The following HDLBP variants were observed in gnomAD, a reference collection of about 807,000 sequenced individuals.
The protein encoded by HDLBP is high density lipoprotein binding protein, also known as vigilin.
Under a neutral mutation model 137.3 loss-of-function variants are expected in HDLBP, and 30 were observed. That is an observed-to-expected ratio of 0.22 (90% CI 0.16 to 0.30). HDLBP has a LOEUF of 0.30. Among genes scored for constraint, HDLBP ranks in the 10% least tolerant of loss-of-function variants. The pLI is 1.00. For missense variants in HDLBP, 1,119 were observed against 1,667.3 expected (o/e 0.67, Z 5.73); for synonymous variants, 606 against 596.0 (o/e 1.02, Z -0.24).
chr2:241,238,830 A>G lies in HDLBP; in HGVS notation c.2611-43T>C. 1.4e-6 allele frequency: 2 copies of G among 1,476,080 alleles called. No homozygotes were observed. Among genetic ancestry groups the G allele is most frequent in the Non-Finnish European group, 1.8e-6 (2 of 1,101,734 alleles). 91.4% of individuals were successfully genotyped at this position (1,476,080 alleles called of 1,614,324 possible). On this transcript the variant is annotated intron_variant, in intron 19 of 27. Transcript: ENST00000310931. This position sits in a 1 kb window ranked among gnomAD's most constrained non-coding sequence, Gnocchi z 4.9. Reference sequence around the variant, plus strand: ...AAGAAAAAAGAAAAGAGCAAAGATTAAATTCCTTAGGGCAAGTTTTACAGC... The same window carrying G: ...AAGAAAAAAGAAAAGAGCAAAGATTGAATTCCTTAGGGCAAGTTTTACAGC...
chr2:241,315,107 G>A (rs1016443053), intron 1 of HDLBP: 1 of 151,982 alleles, frequency 6.6e-6, no homozygotes, highest in Non-Finnish European at 1.5e-5. Context: ...CTCACCTCGG[G>A]CCCCACACCA....
Position 241,272,946 on chromosome 2 carries a change from C to A in HDLBP, c.-102-4405G>T. The A allele has an allele frequency of 1.1e-6, 1 of 888,396 alleles. No homozygotes were observed. The highest frequency in any genetic ancestry group is 1.3e-6 in the Non-Finnish European group (1 of 740,908). The allele number at this position is 888,396 out of a possible 1,614,324, so 55.0% of individuals were successfully genotyped here. A position where few individuals can be genotyped will look rare whatever the true frequency, so the allele number is the denominator to read the frequency against. Reference sequence around the variant, plus strand: ...GTCCCCGCCGCCCCGGGCCGCCCAGCACCCGGGAGGCCCACCCAACTGCAG... The same window carrying A: ...GTCCCCGCCGCCCCGGGCCGCCCAGAACCCGGGAGGCCCACCCAACTGCAG... On this transcript the variant is annotated intron_variant, in intron 1 of 27. Coordinates refer to ENST00000310931, the MANE Select transcript of HDLBP (RefSeq NM_005336.6). This position sits in a 1 kb window ranked among gnomAD's most constrained non-coding sequence, Gnocchi z 5.6.
intron 27 of HDLBP, 49 bp downstream of exon 27, chr2:241,229,784 G>GGCCCCCCCCC: frequency 6.7e-7 from 1 of 1,502,550 alleles, no homozygotes; most frequent in Non-Finnish European, 9.1e-7. Context: ...AAGCCCGCCT[G>GGCCCCCCCCC]CCCGCCCACC....
intron 1 of HDLBP, chr2:241,273,773 T>A (rs977724446): frequency 1.7e-6 from 1 of 572,730 alleles, no homozygotes; most frequent in Non-Finnish European, 2.2e-6. Flanking sequence ...CCGCACAGCC[T>A]GCAGCCAGGC....
At position 241,229,419 on chromosome 2, in the gene HDLBP, C is replaced by T. The variant is rs778085361; in HGVS notation, c.*182G>A. The stretch of plus-strand genomic sequence containing the variant: ...CAGTGGAGCAGGTCCTGAGCGGGCA[C>T]GGCCAGGCCTGGAGGAGCGGCCGCA... On this transcript the variant is annotated 3_prime_UTR_variant, in exon 28 of 28. Coordinates refer to ENST00000310931, the MANE Select transcript of HDLBP (RefSeq NM_005336.6). 7.2e-6 allele frequency: 4 copies of T among 558,400 alleles called. No homozygotes were observed. Among genetic ancestry groups the T allele is most frequent in the East Asian group, 3.1e-5 (1 of 32,002 alleles). The allele number at this position is 558,400 out of a possible 1,614,324, so 34.6% of individuals were successfully genotyped here.
chr2:241,310,760 C>G (rs769407101), intron 1 of HDLBP, among the ~76,000 whole-genome samples: 2 of 152,124 alleles, frequency 1.3e-5, no homozygotes, highest in Non-Finnish European at 2.9e-5. Context: ...AAAGAGTAGG[C>G]AAGACGATGG....
rs79098018 is a variant in HDLBP, at chr2:241,239,499, T to A, written c.2610+103A>T. ...CCTTCTGAAGCCTTCCAGGGCTGTATGAGGGAGTCACCTCCCTACAGGGTG... is the reference window on the plus strand; with the variant it reads ...CCTTCTGAAGCCTTCCAGGGCTGTAAGAGGGAGTCACCTCCCTACAGGGTG... On this transcript the variant is annotated intron_variant, in intron 19 of 27. Coordinates refer to ENST00000310931, the MANE Select transcript of HDLBP (RefSeq NM_005336.6). The surrounding 1 kb of genome is among the most constrained non-coding windows in gnomAD (Gnocchi z 4.6). The A allele has an allele frequency of 2.6e-3, 2,379 of 911,514 alleles. 38 individuals are homozygous for A. Among genetic ancestry groups the A allele is most frequent in the East Asian group, 0.025 (1,033 of 41,438 alleles). 56.5% of individuals were successfully genotyped at this position (911,514 alleles called of 1,614,324 possible).
chr2:241,271,879 T>C lies in HDLBP; in HGVS notation c.-102-3338A>G, dbSNP rs1387219131. Reference sequence around the variant, plus strand: ...AAATCTAGGAGAGACCACAGGCGACTGGCGAGCAGAAGGCAGGCTCCGCTC... The same window carrying C: ...AAATCTAGGAGAGACCACAGGCGACCGGCGAGCAGAAGGCAGGCTCCGCTC... On this transcript the variant is annotated intron_variant, in intron 1 of 27. Transcript: ENST00000310931. The C allele has an allele frequency of 2.0e-5, 3 of 152,370 alleles. No individual in the cohort carries two copies. The South Asian group carries it at 6.2e-4, about 32-fold the overall frequency. 9.4% of individuals were successfully genotyped at this position (152,370 alleles called of 1,614,324 possible).
chr2:241,293,875 T>C (rs1477675168), intron 1 of HDLBP, among the ~76,000 whole-genome samples: 1 of 151,202 alleles, frequency 6.6e-6, no homozygotes, highest in African/African-American at 2.4e-5. Context: ...TGAGCCGTGA[T>C]TGCACCACTG....
intron 1 of HDLBP, among the ~76,000 whole-genome samples, chr2:241,302,125 G>A (rs1432760246): frequency 1.3e-4 from 20 of 151,904 alleles, no homozygotes; most frequent in Non-Finnish European, 4.4e-5. Context: ...CAGGTACAGT[G>A]CCTGTAGTAT....
chr2:241,267,557 G>GTCAATTTGC (rs762254293), intron 2 of HDLBP: 1 of 1,533,630 alleles, frequency 6.5e-7, no homozygotes, highest in South Asian at 1.2e-5. Context: ...TGGTTATTCT[G>GTCAATTTGC]TCAATTTGCT....
intron 4 of HDLBP, 103 bp downstream of exon 4, chr2:241,264,345 G>C: frequency 2.5e-6 from 2 of 795,976 alleles, no homozygotes; most frequent in South Asian, 1.9e-5. Context: ...CTGGGCGACA[G>C]AGCGGGACTC....
Position 241,230,855 on chromosome 2 carries a change from C to G in HDLBP, c.3378G>C (p.Gln1126His), listed in dbSNP as rs2069659827. ...CCAGCGGGACGTCCTCAGAAACCAT[C>G]TGCTCAAGTTCACCCACAATTCTCA... Reference protein sequence around the residue: ...AILRIVGELEQMVSEDVPLDH... With the variant: ...AILRIVGELEHMVSEDVPLDH... Residue 1126 changes from glutamine (Q) to histidine (H), a missense_variant, in exon 25 of 28, where the codon CAG becomes CAC. Gln to His is a conservative substitution (Grantham distance 24). Coordinates refer to ENST00000310931, the MANE Select transcript of HDLBP (RefSeq NM_005336.6). The surrounding 1 kb of genome is among the most constrained non-coding windows in gnomAD (Gnocchi z 5.0). 1 of 1,614,128 alleles carries G rather than the reference C, an allele frequency of 6.2e-7. No homozygotes were observed.
At chr2:241,236,140 T>G (rs1159280721) in intron 21 of HDLBP, 1 of 198,916 alleles carries the variant, frequency 5.0e-6, no homozygotes, top group Non-Finnish European at 1.0e-5. Flanking sequence ...CTGCGTTGAC[T>G]GCTTGTCTCT....
At chr2:241,296,759 G>A (rs111519428) in intron 1 of HDLBP, among the ~76,000 whole-genome samples, 28 of 152,368 alleles carry the variant, frequency 1.8e-4, no homozygotes, top group African/African-American at 6.7e-4. Context: ...CATTGAGGAA[G>A]TATAAAATTA....
At chr2:241,275,036 G>A (rs900827933) in intron 1 of HDLBP, among the ~76,000 whole-genome samples, 1 of 152,152 alleles carries the variant, frequency 6.6e-6, no homozygotes, top group East Asian at 1.9e-4. Flanking sequence ...GGGACTACAG[G>A]ATGCCTTCTC....
intron 1 of HDLBP, among the ~76,000 whole-genome samples, chr2:241,305,768 T>G (rs2075548078): frequency 6.6e-6 from 1 of 151,508 alleles, no homozygotes; most frequent in Admixed American, 6.6e-5. Flanking sequence ...TTGTTTTTTT[T>G]TTTTTTTTTG....
intron 5 of HDLBP, among the ~76,000 whole-genome samples, chr2:241,258,518 T>G (rs1475850003): frequency 6.6e-6 from 1 of 152,016 alleles, no homozygotes; most frequent in African/African-American, 2.4e-5. Context: ...GCTGAGACCC[T>G]GTGTTACAAC....
rs560837501 is a variant in HDLBP at position 241,238,565 on chromosome 2, C to A, written c.2749+84G>T. 1 of 1,096,630 alleles carries A rather than the reference C, an allele frequency of 9.1e-7. No individual in the cohort carries two copies. 67.9% of individuals were successfully genotyped at this position (1,096,630 alleles called of 1,614,324 possible). A position where few individuals can be genotyped will look rare whatever the true frequency, so the allele number is the denominator to read the frequency against. The stretch of plus-strand genomic sequence containing the variant: ...GTTTTCCAGCAGAGACAGGAAAGAG[C>A]CTCACCAGTATGTGCGACAGCCCCG... On this transcript the variant is annotated intron_variant, in intron 20 of 27. Coordinates refer to ENST00000310931, the MANE Select transcript of HDLBP (RefSeq NM_005336.6). The surrounding 1 kb of genome is among the most constrained non-coding windows in gnomAD (Gnocchi z 4.9).
Sources: allele counts gnomAD v4.1 joint callset (sites outside exome capture counted in the v4.1 genomes callset), GRCh38; gene constraint gnomAD v4.1.1; non-coding constraint Gnocchi (gnomAD v3.1); transcripts MANE v1.5; gene names NCBI Gene and HGNC (gene_info 2026-07-23, HGNC 2026-07-21).